IL1RAPL2: variants seen among roughly 807,000 people sequenced by gnomAD.
IL1RAPL2 encodes X-linked interleukin-1 receptor accessory protein-like 2.
In IL1RAPL2, 3 loss-of-function variants were observed where a neutral mutation model predicts 44.1. That is an observed-to-expected ratio of 0.07 (90% CI 0.03 to 0.18). The LOEUF is 0.18. Ranked by LOEUF, IL1RAPL2 falls within the 10% of genes least tolerant of loss-of-function variation. The probability of loss-of-function intolerance (pLI) is 1.00; values close to 1 mark genes in which losing one functional copy is unlikely to be tolerated. For missense variants in IL1RAPL2, 391 were observed against 496.4 expected (o/e 0.79, Z 2.02); for synonymous variants, 181 against 178.8 (o/e 1.01, Z -0.10).
chrX:104,585,332 T>G (rs2147994437), intron 1 of IL1RAPL2, among the ~76,000 whole-genome samples: 1 of 17,438 alleles, frequency 5.7e-5, no homozygotes, highest in Non-Finnish European at 7.8e-5. Flanking sequence ...ATATATAATA[T>G]ATATTATATA....
intron 2 of IL1RAPL2, among the ~76,000 whole-genome samples, chrX:105,169,408 AC>A (rs2033401778): frequency 9.2e-6 from 1 of 108,427 alleles, no homozygotes; most frequent in African/African-American, 3.4e-5. Flanking sequence ...AAAAAAAAAA[AC>A]AACCATGATC....
intron 6 of IL1RAPL2, among the ~76,000 whole-genome samples, chrX:105,636,949 G>A (rs1361526185): frequency 9.0e-6 from 1 of 111,512 alleles, no homozygotes; most frequent in Non-Finnish European, 1.9e-5. Flanking sequence ...CATCCTCAGT[G>A]TCTGACATCA....
At chrX:105,236,031 T>C (rs2034117259) in intron 4 of IL1RAPL2, among the ~76,000 whole-genome samples, 1 of 112,525 alleles carries the variant, frequency 8.9e-6, no homozygotes, top group African/African-American at 3.2e-5. Context: ...TAAGATGCCA[T>C]GCTGGTGCAG....
Position 105,219,318 on chromosome X carries a change from A to C in IL1RAPL2, c.357-14500A>C, listed in dbSNP as rs2033911772. 5.8e-6 allele frequency: 7 copies of C among 1,211,445 alleles called. No individual in the cohort carries two copies. The East Asian group carries it at 2.1e-4, about 36-fold the overall frequency. ...AGTATGAGGCAGGGAGCTGGACAGG[A>C]AGAGGTTCTGATGAGGCTCTGGACC... On this transcript the variant is annotated intron_variant, in intron 3 of 10. Transcript: ENST00000372582.
At chrX:104,883,357 C>T (rs750214665) in intron 2 of IL1RAPL2, among the ~76,000 whole-genome samples, 5 of 111,187 alleles carry the variant, frequency 4.5e-5, no homozygotes, top group Admixed American at 9.6e-5. Flanking sequence ...CCCGACTCTT[C>T]GGAGTTGGGA....
chrX:105,431,437 C>T (rs1036646474), intron 5 of IL1RAPL2, among the ~76,000 whole-genome samples: 6 of 111,417 alleles, frequency 5.4e-5, no homozygotes, highest in African/African-American at 2.0e-4. Flanking sequence ...ACTGGTGTTT[C>T]AGCACCATAA....
At chrX:105,548,920 A>G (rs2036829734) in intron 6 of IL1RAPL2, among the ~76,000 whole-genome samples, 1 of 112,284 alleles carries the variant, frequency 8.9e-6, no homozygotes, top group South Asian at 3.7e-4. Flanking sequence ...TTCCAAATAT[A>G]TTCTAAACAT....
At chrX:104,951,926 C>T (rs1376082752) in intron 2 of IL1RAPL2, among the ~76,000 whole-genome samples, 1 of 112,288 alleles carries the variant, frequency 8.9e-6, no homozygotes, top group Non-Finnish European at 1.9e-5. Context: ...TGGCATTGAT[C>T]TTTGAGTGAG....
intron 2 of IL1RAPL2, among the ~76,000 whole-genome samples, chrX:104,730,511 C>G (rs1286579334): frequency 2.2e-4 from 23 of 105,177 alleles, no homozygotes; most frequent in Middle Eastern, 4.7e-3. Context: ...CTGAGAATGA[C>G]GATTTCCAAT....
Position 105,721,574 on chromosome X carries a change from A to G in IL1RAPL2, c.902+4078A>G, listed in dbSNP as rs370730114. 4.5e-5 allele frequency among the ~76,000 whole-genome samples: 5 copies of G among 111,766 alleles called. No individual in the cohort carries two copies. In the East Asian group the frequency reaches 1.4e-3, roughly 32 times the overall value. On this transcript the variant is annotated intron_variant, in intron 7 of 10. Transcript: ENST00000372582. ...TTCCAAACTGGTTATAATTTTACAAAAGAAAAGTGAGGCACTGCTACTCTC... is the reference window on the plus strand; with the variant it reads ...TTCCAAACTGGTTATAATTTTACAAGAGAAAAGTGAGGCACTGCTACTCTC...
intron 6 of IL1RAPL2, among the ~76,000 whole-genome samples, chrX:105,673,929 T>C (rs2037845978): frequency 8.9e-6 from 1 of 112,164 alleles, no homozygotes; most frequent in African/African-American, 3.2e-5. Context: ...GTGATGTTGA[T>C]CTTTTTTTCA....
At chrX:105,706,646 C>T (rs147702357) in intron 6 of IL1RAPL2, among the ~76,000 whole-genome samples, 1,705 of 111,014 alleles carry the variant, frequency 0.015, 33 homozygotes, top group African/African-American at 0.052. Context: ...TCAAGGAATG[C>T]GGATAAAGCC....
chrX:105,070,062 G>A (rs1316768594), intron 2 of IL1RAPL2, among the ~76,000 whole-genome samples: 8 of 111,886 alleles, frequency 7.2e-5, no homozygotes. Context: ...AGGCAGGCCA[G>A]GCTGAAGAGA....
At chrX:104,936,853 G>A (rs936845043) in intron 2 of IL1RAPL2, among the ~76,000 whole-genome samples, 4 of 110,580 alleles carry the variant, frequency 3.6e-5, no homozygotes, top group Non-Finnish European at 5.7e-5. Flanking sequence ...TGATCCACCC[G>A]CCTCGGCCTC....
intron 6 of IL1RAPL2, among the ~76,000 whole-genome samples, chrX:105,627,433 A>G (rs918372318): frequency 7.2e-5 from 8 of 111,709 alleles, no homozygotes; most frequent in African/African-American, 2.6e-4. Context: ...CGGAATCACA[A>G]TGCAGTATTC....
intron 2 of IL1RAPL2, among the ~76,000 whole-genome samples, chrX:104,801,371 AC>A (rs1032850141): frequency 4.5e-5 from 5 of 111,397 alleles, no homozygotes; most frequent in Admixed American, 2.9e-4. Context: ...AATTATATCC[AC>A]TATTCAGATA....
chrX:105,108,868 AT>A (rs2032773221), intron 2 of IL1RAPL2, among the ~76,000 whole-genome samples: 1 of 111,607 alleles, frequency 9.0e-6, no homozygotes, highest in Non-Finnish European at 1.9e-5. Context: ...ATAGGTCCCC[AT>A]TATCCTTAGA....
intron 2 of IL1RAPL2, among the ~76,000 whole-genome samples, chrX:104,695,473 T>G (rs746807008): frequency 9.0e-6 from 1 of 110,998 alleles, no homozygotes; most frequent in South Asian, 3.9e-4. Context: ...ATGGTTTATA[T>G]GAAATGAATG....
intron 1 of IL1RAPL2, among the ~76,000 whole-genome samples, chrX:104,627,504 A>G (rs1016461806): frequency 1.3e-4 from 15 of 111,276 alleles, no homozygotes; most frequent in Non-Finnish European, 2.1e-4. Context: ...AAATCAATCT[A>G]TGTTTCTATT....
Sources: allele counts gnomAD v4.1 joint callset (sites outside exome capture counted in the v4.1 genomes callset), GRCh38; gene constraint gnomAD v4.1.1; transcripts MANE v1.5; gene names NCBI Gene and HGNC (gene_info 2026-07-23, HGNC 2026-07-21).